Variants in CCDC178 observed in about 807,000 individuals in gnomAD.
The protein encoded by CCDC178 is coiled-coil domain containing 178.
In CCDC178, 126 loss-of-function variants were observed where a neutral mutation model predicts 117.4. That is an observed-to-expected ratio of 1.07 (90% CI 0.93 to 1.24). CCDC178 has a LOEUF of 1.24. Ranked by LOEUF, CCDC178 falls within the 50% of genes most tolerant of loss-of-function variation. CCDC178 has a pLI of 0.00. For synonymous variants in CCDC178, 283 were observed against 313.4 expected (o/e 0.90, Z 1.02); for missense variants, 1,030 against 986.9 (o/e 1.04, Z -0.59).
At chr18:33,312,055 C>A (rs2062351334) in intron 11 of CCDC178, among the ~76,000 whole-genome samples, 1 of 152,202 alleles carries the variant, frequency 6.6e-6, no homozygotes, top group African/African-American at 2.4e-5. Context: ...ATATCCCTAT[C>A]ATCTCTGTTA....
chr18:33,038,930 A>G (rs1042541027), intron 21 of CCDC178, among the ~76,000 whole-genome samples: 11 of 152,042 alleles, frequency 7.2e-5, no homozygotes, highest in African/African-American at 2.7e-4. Flanking sequence ...AGAATTATCA[A>G]AAACACAAAA....
At chr18:33,158,237 T>TA (rs1271968384) in intron 20 of CCDC178, among the ~76,000 whole-genome samples, 1 of 152,176 alleles carries the variant, frequency 6.6e-6, no homozygotes, top group African/African-American at 2.4e-5. Flanking sequence ...AGATGTAGTC[T>TA]AATTTGCCAA....
In CCDC178 at chr18:33,419,821, T is replaced by G. The variant is rs1000962035; in HGVS notation, c.-22-7711A>C. On this transcript the variant is annotated intron_variant, in intron 2 of 22. Transcript: ENST00000383096. The stretch of plus-strand genomic sequence containing the variant: ...GGTTGTGAAGAAAAGGAAACGCTTA[T>G]GCATTAGTTCAGCCACTGTGGAAAG... 4.6e-5 allele frequency among the ~76,000 whole-genome samples: 7 copies of G among 152,178 alleles called. No homozygotes were observed. In the East Asian group the frequency reaches 1.2e-3, roughly 25 times the overall value.
At chr18:33,034,235 T>C (rs1475018803) in intron 21 of CCDC178, among the ~76,000 whole-genome samples, 1 of 151,982 alleles carries the variant, frequency 6.6e-6, no homozygotes, top group Admixed American at 6.6e-5. Context: ...CATTAGGCTC[T>C]CATTATTTCT....
At chr18:33,054,741 T>A (rs938041214) in intron 21 of CCDC178, among the ~76,000 whole-genome samples, 8 of 152,372 alleles carry the variant, frequency 5.3e-5, no homozygotes, top group African/African-American at 1.7e-4. Flanking sequence ...TATGCTTGCA[T>A]GCATCTTTAT....
At chr18:33,276,422 G>C (rs930854137) in intron 12 of CCDC178, among the ~76,000 whole-genome samples, 3 of 151,988 alleles carry the variant, frequency 2.0e-5, no homozygotes, top group African/African-American at 7.2e-5. Flanking sequence ...GTTGGATTCA[G>C]AGTTGGCAGT....
intron 20 of CCDC178, among the ~76,000 whole-genome samples, chr18:33,108,590 T>C (rs1471900261): frequency 6.6e-6 from 1 of 151,632 alleles, no homozygotes; most frequent in Non-Finnish European, 1.5e-5. Context: ...AATTTATTTA[T>C]TCACTTGATG....
intron 5 of CCDC178, among the ~76,000 whole-genome samples, chr18:33,388,217 G>C (rs1270708555): frequency 6.6e-5 from 10 of 152,150 alleles, no homozygotes; most frequent in African/African-American, 1.9e-4. Context: ...AGAAACAACA[G>C]ATGCTAGTGA....
chr18:33,379,125 A>ATTAT (rs1555695385), intron 5 of CCDC178, among the ~76,000 whole-genome samples: 1 of 6,782 alleles, frequency 1.5e-4, no homozygotes, highest in African/African-American at 1.7e-4. Context: ...ATATATATAT[A>ATTAT]ATATATATAT....
rs193100006 is a variant in CCDC178, at chr18:33,366,029, G to C, written c.348+4021C>G. 8.3e-3 allele frequency among the ~76,000 whole-genome samples: 1,270 copies of C among 152,140 alleles called. 14 individuals are homozygous for C. The highest frequency in any genetic ancestry group is 7.1e-3 in the Non-Finnish European group (484 of 67,966). On this transcript the variant is annotated intron_variant, in intron 6 of 22. Transcript: ENST00000383096. ...GGATAGAAAAGTCCGTGGCAGATGCGTTGCTGCTAACCACAGGCGTCCAGA... is the reference window on the plus strand; with the variant it reads ...GGATAGAAAAGTCCGTGGCAGATGCCTTGCTGCTAACCACAGGCGTCCAGA...
At chr18:33,007,133 C>T (rs953746741) in intron 21 of CCDC178, among the ~76,000 whole-genome samples, 1 of 151,974 alleles carries the variant, frequency 6.6e-6, no homozygotes, top group Non-Finnish European at 1.5e-5. Flanking sequence ...TAAACTACTT[C>T]GGTATAGGAG....
intron 20 of CCDC178, among the ~76,000 whole-genome samples, chr18:33,121,985 A>C (rs545332810): frequency 1.3e-5 from 2 of 152,274 alleles, no homozygotes; most frequent in South Asian, 4.1e-4. Context: ...GCCCAGAAGC[A>C]ATAGGCTATA....
chr18:33,051,991 CT>C (rs560442326), intron 21 of CCDC178, among the ~76,000 whole-genome samples: 67 of 152,108 alleles, frequency 4.4e-4, no homozygotes, highest in Non-Finnish European at 5.9e-4. Context: ...TCTGAATTAG[CT>C]TTTTCATGAA....
intron 20 of CCDC178, among the ~76,000 whole-genome samples, chr18:33,114,984 G>A (rs113404440): frequency 6.6e-6 from 1 of 152,018 alleles, no homozygotes. Flanking sequence ...TGGTTCTGGG[G>A]TTGAGCCAGG....
chr18:33,207,720 A>G (rs1294076625), intron 20 of CCDC178, among the ~76,000 whole-genome samples: 1 of 152,078 alleles, frequency 6.6e-6, no homozygotes, highest in Non-Finnish European at 1.5e-5. Context: ...AGAAAATAAA[A>G]AATCTATTCA....
chr18:33,108,962 C>T (rs1198314798), intron 20 of CCDC178, among the ~76,000 whole-genome samples: 5 of 151,616 alleles, frequency 3.3e-5, no homozygotes, highest in African/African-American at 1.2e-4. Flanking sequence ...CTTCTTCCTT[C>T]TTGTCGCTCC....
chr18:33,406,505 G>C (rs879616710), intron 3 of CCDC178, among the ~76,000 whole-genome samples: 5 of 151,968 alleles, frequency 3.3e-5, no homozygotes, highest in African/African-American at 4.8e-5. Flanking sequence ...GACCAAATTT[G>C]AGGAGATGAA....
intron 6 of CCDC178, among the ~76,000 whole-genome samples, chr18:33,358,563 A>G (rs1291143484): frequency 6.6e-6 from 1 of 151,904 alleles, no homozygotes; most frequent in Non-Finnish European, 1.5e-5. Context: ...AATAAAATCA[A>G]TGTGGAAAAA....
chr18:33,373,405 C>T (rs964350273), intron 5 of CCDC178, among the ~76,000 whole-genome samples: 5 of 152,076 alleles, frequency 3.3e-5, no homozygotes, highest in African/African-American at 9.7e-5. Flanking sequence ...CACAGGTCTC[C>T]CCACTACCTT....
Sources: allele counts gnomAD v4.1 joint callset (sites outside exome capture counted in the v4.1 genomes callset), GRCh38; gene constraint gnomAD v4.1.1; transcripts MANE v1.5; gene names NCBI Gene and HGNC (gene_info 2026-07-23, HGNC 2026-07-21).